DIAPH3: variants seen among roughly 807,000 people sequenced by gnomAD.
The protein encoded by DIAPH3 is diaphanous related formin 3, also known as protein diaphanous homolog 3.
DIAPH3 carries 117 observed loss-of-function variants against 144.3 expected under a neutral mutation model. The ratio of observed to expected loss-of-function variants is 0.81; its 90% CI spans 0.70 to 0.95. The LOEUF (loss-of-function observed/expected upper bound fraction) is 0.95. DIAPH3 is among the 40% of genes least tolerant of loss of function. The probability of loss-of-function intolerance (pLI) is 0.00; values close to 1 mark genes in which losing one functional copy is unlikely to be tolerated. For synonymous variants in DIAPH3, 519 were observed against 488.9 expected, an observed-to-expected ratio of 1.06 and a Z score of -0.81; for missense variants, 1,421 against 1,412.7, an observed-to-expected ratio of 1.01 and a Z score of -0.09.
intron 4 of DIAPH3, among the ~76,000 whole-genome samples, chr13:60,069,793 T>C (rs2057129265): frequency 6.6e-6 from 1 of 152,114 alleles, no homozygotes. Flanking sequence ...TACAGGTGTA[T>C]GGCTTTATTT....
intron 25 of DIAPH3, among the ~76,000 whole-genome samples, chr13:59,809,580 T>C (rs2040370080): frequency 6.6e-6 from 1 of 152,162 alleles, no homozygotes; most frequent in Non-Finnish European, 1.5e-5. Flanking sequence ...TTTAAAATTC[T>C]TTCCAGAAGC....
chr13:60,076,716 T>G (rs1173391707), intron 4 of DIAPH3, among the ~76,000 whole-genome samples: 1 of 152,194 alleles, frequency 6.6e-6, no homozygotes, highest in Admixed American at 6.5e-5. Context: ...AAAAAAAGAC[T>G]GTTAAAACTG....
chr13:60,044,531 C>G (rs957871480), intron 4 of DIAPH3, among the ~76,000 whole-genome samples: 2 of 152,118 alleles, frequency 1.3e-5, no homozygotes, highest in Non-Finnish European at 2.9e-5. Flanking sequence ...CTTGTACCAA[C>G]AGAGCACTTA....
chr13:60,159,358 G>GTAAT (rs1427699517), intron 1 of DIAPH3, among the ~76,000 whole-genome samples: 2 of 152,192 alleles, frequency 1.3e-5, no homozygotes, highest in Non-Finnish European at 2.9e-5. Flanking sequence ...AGGTGCGATG[G>GTAAT]CTCACGCCTG....
At chr13:59,709,210 T>C (rs1343207821) in intron 27 of DIAPH3, among the ~76,000 whole-genome samples, 2 of 152,152 alleles carry the variant, frequency 1.3e-5, no homozygotes, top group African/African-American at 4.8e-5. Context: ...ATGATTTACT[T>C]TTATTAAGTT....
intron 27 of DIAPH3, among the ~76,000 whole-genome samples, chr13:59,743,660 G>A (rs762253051): frequency 5.3e-5 from 8 of 151,984 alleles, no homozygotes; most frequent in Non-Finnish European, 8.8e-5. Flanking sequence ...TCTACTGAAG[G>A]GTCTCTTCTA....
intron 27 of DIAPH3, among the ~76,000 whole-genome samples, chr13:59,690,232 G>T (rs570714982): frequency 6.6e-6 from 1 of 152,026 alleles, no homozygotes; most frequent in East Asian, 1.9e-4. Context: ...ATTTTTATAG[G>T]GCTTTATGTG....
chr13:60,107,303 A>ATGTCAGGGGGATAATGTC (rs2058449248), intron 3 of DIAPH3, among the ~76,000 whole-genome samples: 1 of 152,142 alleles, frequency 6.6e-6, no homozygotes, highest in Non-Finnish European at 1.5e-5. Context: ...ATGGGAGCAA[A>ATGTCAGGGGGATAATGTC]ACTATTGGAT....
intron 27 of DIAPH3, among the ~76,000 whole-genome samples, chr13:59,676,133 G>A (rs749795738): frequency 6.6e-6 from 1 of 152,132 alleles, no homozygotes; most frequent in Non-Finnish European, 1.5e-5. Flanking sequence ...ACAGAATCAT[G>A]TAATGTAGAA....
intron 27 of DIAPH3, among the ~76,000 whole-genome samples, chr13:59,771,868 AG>A (rs2038140832): frequency 3.9e-5 from 6 of 152,034 alleles, no homozygotes; most frequent in African/African-American, 1.2e-4. Flanking sequence ...CTTGGCATTT[AG>A]TAAGCCAAAT....
chr13:59,926,879 T>C (rs1243715252), intron 17 of DIAPH3, among the ~76,000 whole-genome samples: 8 of 152,184 alleles, frequency 5.3e-5, no homozygotes, highest in African/African-American at 1.7e-4. Context: ...TTGATAGTTC[T>C]TTGACAATTT....
intron 27 of DIAPH3, among the ~76,000 whole-genome samples, chr13:59,696,754 G>C (rs2033823178): frequency 6.6e-6 from 1 of 152,034 alleles, no homozygotes; most frequent in African/African-American, 2.4e-5. Context: ...TTTCTATGGT[G>C]TTTTTCTTAT....
intron 4 of DIAPH3, among the ~76,000 whole-genome samples, chr13:60,078,342 G>A (rs191587913): frequency 6.6e-6 from 1 of 152,112 alleles, no homozygotes. Flanking sequence ...GAGAACAGGA[G>A]CTGGTTTGTG....
intron 7 of DIAPH3, chr13:60,012,913 G>A: frequency 1.2e-6 from 1 of 817,522 alleles, no homozygotes; most frequent in Non-Finnish European, 1.5e-6. Flanking sequence ...TTTTAAGACT[G>A]GAATGAGGCC....
At chr13:59,750,560 T>C (rs1427378327) in intron 27 of DIAPH3, among the ~76,000 whole-genome samples, 1 of 152,228 alleles carries the variant, frequency 6.6e-6, no homozygotes, top group Admixed American at 6.5e-5. Context: ...TGAGTTTATT[T>C]TCAGCTTCAA....
At chr13:59,888,413 G>A (rs1293781212) in intron 20 of DIAPH3, among the ~76,000 whole-genome samples, 4 of 152,102 alleles carry the variant, frequency 2.6e-5, no homozygotes, top group Non-Finnish European at 5.9e-5. Flanking sequence ...TCAGTTTACA[G>A]TATTTTGTTA....
At chr13:59,995,280 T>C (rs1431791151) in intron 9 of DIAPH3, among the ~76,000 whole-genome samples, 1 of 151,898 alleles carries the variant, frequency 6.6e-6, no homozygotes, top group Non-Finnish European at 1.5e-5. Flanking sequence ...GAGATGTTCG[T>C]CATAAGGAAG....
chr13:60,136,170 G>A (rs557255141), intron 1 of DIAPH3, among the ~76,000 whole-genome samples: 74 of 152,100 alleles, frequency 4.9e-4, no homozygotes, highest in Non-Finnish European at 8.8e-4. Flanking sequence ...AAACTATAAG[G>A]GTAATATCCT....
chr13:59,732,587 G>A (rs780307125), intron 27 of DIAPH3, among the ~76,000 whole-genome samples: 38 of 151,486 alleles, frequency 2.5e-4, no homozygotes, highest in Non-Finnish European at 4.7e-4. Flanking sequence ...GACTACAGGC[G>A]CACTCCAACC....
Sources: gnomAD v4.1 joint callset for allele counts (sites outside exome capture counted in the v4.1 genomes callset) on GRCh38, gnomAD v4.1.1 for gene constraint, MANE v1.5 for transcripts, NCBI Gene and HGNC (gene_info 2026-07-23, HGNC 2026-07-21) for gene names.